The following WDR41 variants were observed in gnomAD, a reference collection of about 807,000 sequenced individuals.
The protein encoded by WDR41 is WD repeat-containing protein 41.
WDR41 carries 63 observed loss-of-function variants against 69.3 expected under a neutral mutation model. The observed-to-expected ratio is 0.91, with a 90% CI of 0.74 to 1.12. The LOEUF is 1.12. WDR41 is among the 50% of genes most tolerant of loss of function. The pLI is 0.00. For missense variants in WDR41, 543 were observed against 534.5 expected (o/e 1.02, Z -0.16); for synonymous variants, 185 against 192.1 (o/e 0.96, Z 0.31).
chr5:77,577,817 A>G (rs778495763), intron 1 of WDR41, among the ~76,000 whole-genome samples: 22 of 152,212 alleles, frequency 1.4e-4, no homozygotes, highest in Non-Finnish European at 2.9e-4. Flanking sequence ...CAATAAACCC[A>G]TTGTAAGTTG....
At chr5:77,478,577 C>T (rs1051923094) in intron 2 of WDR41, among the ~76,000 whole-genome samples, 20 of 152,168 alleles carry the variant, frequency 1.3e-4, no homozygotes, top group African/African-American at 4.3e-4. Context: ...ACAAAAACCA[C>T]ATGATTATCT....
intron 1 of WDR41, among the ~76,000 whole-genome samples, chr5:77,586,102 T>A (rs181214359): frequency 1.2e-3 from 189 of 152,310 alleles, no homozygotes; most frequent in African/African-American, 4.4e-3. Flanking sequence ...AGAACTTTTT[T>A]AACCATGGCA....
intron 1 of WDR41, among the ~76,000 whole-genome samples, chr5:77,537,632 G>A (rs1434306967): frequency 1.3e-5 from 2 of 152,086 alleles, no homozygotes; most frequent in Non-Finnish European, 2.9e-5. Context: ...TTCGGGGAGT[G>A]GGCTCTGGAT....
At chr5:77,585,240 G>A (rs570209833) in intron 1 of WDR41, among the ~76,000 whole-genome samples, 1 of 152,072 alleles carries the variant, frequency 6.6e-6, no homozygotes, top group Non-Finnish European at 1.5e-5. Flanking sequence ...CATCACTAAT[G>A]ATTAGAGAAA....
chr5:77,434,839 T>C (rs1019272026), intron 12 of WDR41, among the ~76,000 whole-genome samples: 1 of 152,192 alleles, frequency 6.6e-6, no homozygotes, highest in African/African-American at 2.4e-5. Flanking sequence ...TGACACTGTT[T>C]TATAGAATGA....
chr5:77,542,334 A>T (rs1743105174), intron 1 of WDR41, among the ~76,000 whole-genome samples: 1 of 152,140 alleles, frequency 6.6e-6, no homozygotes, highest in Non-Finnish European at 1.5e-5. Context: ...GCTGGGCTTA[A>T]TACGTAGGTG....
intron 1 of WDR41, among the ~76,000 whole-genome samples, chr5:77,594,330 G>T (rs1204672013): frequency 6.6e-6 from 1 of 150,542 alleles, no homozygotes; most frequent in Non-Finnish European, 1.5e-5. Flanking sequence ...CGAGTTAATG[G>T]GTGCAGCACA....
At chr5:77,546,442 C>A (rs752920580) in intron 1 of WDR41, among the ~76,000 whole-genome samples, 6 of 152,022 alleles carry the variant, frequency 3.9e-5, no homozygotes, top group Non-Finnish European at 7.4e-5. Flanking sequence ...GGAGATATTA[C>A]AACTGACACC....
intron 1 of WDR41, among the ~76,000 whole-genome samples, chr5:77,592,270 T>C (rs2112309176): frequency 6.6e-6 from 1 of 152,310 alleles, no homozygotes; most frequent in East Asian, 1.9e-4. Context: ...TTTTTTTAAA[T>C]TGAGTCTGAT....
chr5:77,583,101 G>A (rs930918707), intron 1 of WDR41: 8 of 1,573,218 alleles, frequency 5.1e-6, no homozygotes, highest in Non-Finnish European at 6.9e-6. Context: ...AGATCAACAG[G>A]CTTACTAGAA....
At chr5:77,608,604 C>A (rs1477163889) in intron 1 of WDR41, among the ~76,000 whole-genome samples, 3 of 152,170 alleles carry the variant, frequency 2.0e-5, no homozygotes, top group Admixed American at 2.0e-4. Context: ...TCCATCACTG[C>A]AAAAGTTTTA....
At chr5:77,542,367 C>A (rs1280999022) in intron 1 of WDR41, among the ~76,000 whole-genome samples, 15 of 152,064 alleles carry the variant, frequency 9.9e-5, no homozygotes, top group Admixed American at 8.5e-4. Flanking sequence ...GTACAGCAAA[C>A]CACCATGGCA....
intron 1 of WDR41, among the ~76,000 whole-genome samples, chr5:77,558,501 C>G (rs917745071): frequency 4.6e-5 from 7 of 152,142 alleles, no homozygotes; most frequent in African/African-American, 1.7e-4. Context: ...GGACTGGGCC[C>G]TACTTATTTT....
chr5:77,598,396 T>C lies in WDR41; in HGVS notation c.42+22083A>G, dbSNP rs1390711752. ...CCAATGACAGTCAATGGAATTCTTG[T>C]TGGGAATCTGGGGGAAAAGGCTCTC... On this transcript the variant is annotated intron_variant, in intron 1 of 5. Coordinates refer to the WDR41 transcript ENST00000509971. 2.6e-5 allele frequency among the ~76,000 whole-genome samples: 4 copies of C among 152,168 alleles called. No individual in the cohort carries two copies. In the East Asian group the frequency reaches 5.8e-4, roughly 22 times the overall value.
At chr5:77,486,170 A>T (rs1421222448) in intron 2 of WDR41, among the ~76,000 whole-genome samples, 1 of 152,084 alleles carries the variant, frequency 6.6e-6, no homozygotes, top group Non-Finnish European at 1.5e-5. Flanking sequence ...TACGAAGATG[A>T]CTCTTTCGGT....
chr5:77,503,190 C>CAAAAAAAAA (rs144057313), intron 1 of WDR41, among the ~76,000 whole-genome samples: 1 of 74,312 alleles, frequency 1.3e-5, no homozygotes. Context: ...AAATGGAAAG[C>CAAAAAAAAA]AAAAAAAAAA....
intron 1 of WDR41, 96 bp downstream of exon 1, chr5:77,492,074 G>A: frequency 4.8e-6 from 7 of 1,472,600 alleles, no homozygotes; most frequent in East Asian, 2.5e-5. Context: ...GCCTCCGCCC[G>A]GGTCCCCGCG....
At chr5:77,501,672 C>T (rs1802019718) in intron 1 of WDR41, among the ~76,000 whole-genome samples, 1 of 152,172 alleles carries the variant, frequency 6.6e-6, no homozygotes, top group South Asian at 2.1e-4. Context: ...TGGGACAAAG[C>T]TTCCAGAGGA....
rs529451707 is a variant in WDR41 at position 77,465,811 on chromosome 5, T to C, written c.168-1002A>G. Among the ~76,000 whole-genome samples the C allele has an allele frequency of 3.9e-5, 6 of 151,952 alleles. No individual in the cohort carries two copies. In the South Asian group the frequency reaches 1.0e-3, roughly 26 times the overall value. On this transcript the variant is annotated intron_variant, in intron 2 of 12. Coordinates refer to ENST00000296679, the MANE Select transcript of WDR41 (RefSeq NM_018268.4). Reference sequence around the variant, plus strand: ...TAACTGGCCCCTTATAATTAACAGATGCTATGTGAGCATCTGTTCTAATGG... The same window carrying C: ...TAACTGGCCCCTTATAATTAACAGACGCTATGTGAGCATCTGTTCTAATGG...
Sources: gnomAD v4.1 joint callset for allele counts (sites outside exome capture counted in the v4.1 genomes callset) on GRCh38, gnomAD v4.1.1 for gene constraint, MANE v1.5 for transcripts, NCBI Gene and HGNC (gene_info 2026-07-23, HGNC 2026-07-21) for gene names.